Variants in LRRC17 observed in about 807,000 individuals in gnomAD.
The protein encoded by LRRC17 is leucine-rich repeat-containing protein 17.
Under a neutral mutation model 41.5 loss-of-function variants are expected in LRRC17, and 33 were observed. That is an observed-to-expected ratio of 0.80 (90% CI 0.60 to 1.06). The LOEUF (loss-of-function observed/expected upper bound fraction) is 1.06. LRRC17 is among the 50% of genes least tolerant of loss of function. LRRC17 has a pLI of 0.00. For synonymous variants in LRRC17, 192 were observed against 197.0 expected (o/e 0.97, Z 0.21); for missense variants, 491 against 519.3 (o/e 0.95, Z 0.53).
At position 102,934,523 on chromosome 7, in the gene LRRC17, C is replaced by G. The variant is rs149650054; in HGVS notation, c.610C>G (p.Arg204Gly). ...ACAAGAACAAAAAAATAAAAAACTG[C>G]GGCAGATAAAATCTGAACAGTTGTG... ...SPQEQKNKKL[R>G]QIKSEQLCNE... Residue 204 changes from arginine (R) to glycine (G), a missense_variant, in exon 2 of 4, where the codon CGG becomes GGG. Physicochemically the swap from Arg to Gly is moderately radical, Grantham distance 125 (BLOSUM62 -2). Coordinates refer to ENST00000339431, the MANE Select transcript of LRRC17 (RefSeq NM_001031692.3). The G allele has an allele frequency of 6.2e-7, 1 of 1,607,944 alleles. No individual in the cohort carries two copies. The highest frequency in any genetic ancestry group is 8.5e-7 in the Non-Finnish European group (1 of 1,178,326).
rs1374192949 is a variant in LRRC17 at position 102,924,680 on chromosome 7, C to T, written c.-140-9094C>T. ...TTTTTGAGATGGGGTCTCGCTCTGT[C>T]GCCCAGGCTGGAGTGCAGTGGCGCA... On this transcript the variant is annotated intron_variant, in intron 1 of 3. Transcript: ENST00000339431. Among the ~76,000 whole-genome samples, 28 of 131,818 alleles carry T rather than the reference C, an allele frequency of 2.1e-4. 1 individual carries two copies. The Admixed American group carries it at 2.2e-3, about 10-fold the overall frequency. 86.5% of individuals were successfully genotyped at this position (131,818 alleles called of 152,430 possible).
chr7:102,938,435 C>A (rs1458661852), intron 2 of LRRC17, among the ~76,000 whole-genome samples: 1 of 152,148 alleles, frequency 6.6e-6, no homozygotes, highest in Admixed American at 6.5e-5. Context: ...TGCTGACAAC[C>A]AATATAGCCT....
intron 1 of LRRC17, chr7:102,913,363 GTTAA>G: frequency 6.8e-6 from 6 of 879,266 alleles, no homozygotes; most frequent in South Asian, 5.3e-5. Context: ...CTCTCTACCT[GTTAA>G]TTAAAGGAGA....
chr7:102,944,238 A>T lies in LRRC17; in HGVS notation c.957A>T (p.Glu319Asp), dbSNP rs1430531394. Residue 319 changes from glutamate (E) to aspartate (D), a missense_variant, in exon 4 of 4, where the codon GAA becomes GAT. Glu to Asp is a conservative substitution (Grantham distance 45). Transcript: ENST00000339431. ...CTTTTTTAGGGCTCACACATTTAGA[A>T]GAATTAGATTTATCAAACAACAGTC... is the stretch of plus-strand genomic sequence containing the variant. ...PAAFLGLTHL[E>D]ELDLSNNSLQ... 1 of 1,609,828 alleles carries T rather than the reference A, an allele frequency of 6.2e-7. No homozygotes were observed. The highest frequency in any genetic ancestry group is 1.7e-5 in the Admixed American group (1 of 59,058).
rs768188919 is a variant in LRRC17 at position 102,934,354 on chromosome 7, A to G, written c.441A>G (p.Glu147=). Residue 147 remains glutamate (E), a synonymous_variant, in exon 2 of 4, where the codon GAA becomes GAG. Transcript: ENST00000339431. ...ACCAGATCAAAGTCTTGACGGAGGA[A>G]GTGTTCATTTACACACCTCTCTTGA... ...QHNQIKVLTE[E]VFIYTPLLSY... is the part of the protein sequence containing the mutation. 41 of 1,614,154 alleles carry G rather than the reference A, an allele frequency of 2.5e-5. No homozygotes were observed. Among genetic ancestry groups the G allele is most frequent in the Non-Finnish European group, 3.3e-5 (39 of 1,180,008 alleles).
At chr7:102,917,593 T>C (rs1816157301) in intron 1 of LRRC17, among the ~76,000 whole-genome samples, 1 of 152,180 alleles carries the variant, frequency 6.6e-6, no homozygotes, top group African/African-American at 2.4e-5. Context: ...ATGTGAAGCA[T>C]GCAGCAATCA....
At chr7:102,926,961 C>T (rs966282278) in intron 1 of LRRC17, among the ~76,000 whole-genome samples, 5 of 152,104 alleles carry the variant, frequency 3.3e-5, no homozygotes, top group African/African-American at 1.2e-4. Context: ...AGGCTACATA[C>T]CAGTTGGGCA....
chr7:102,932,056 T>TTCC, intron 1 of LRRC17: 3 of 837,124 alleles, frequency 3.6e-6, no homozygotes, highest in African/African-American at 3.4e-5. Flanking sequence ...GCAAGTAACA[T>TTCC]GTTCTAAGTA....
rs1265266103 is a variant in LRRC17 at position 102,934,284 on chromosome 7, C to T, written c.371C>T (p.Ala124Val). 5.0e-6 allele frequency: 8 copies of T among 1,613,970 alleles called. No homozygotes were observed. The African/African-American group carries it at 5.3e-5, about 11-fold the overall frequency. Reference protein sequence around the residue: ...QNEISKIESEAFFGLNKLTTL... With the variant: ...QNEISKIESEVFFGLNKLTTL... The stretch of plus-strand genomic sequence containing the variant: ...GAGATCTCTAAAATTGAGAGTGAGG[C>T]GTTCTTTGGTTTAAACAAACTCACC... The change falls in exon 2 of 4, where the codon GCG (alanine) becomes GTG (valine). Residue 124 changes from alanine to valine, a missense_variant. By Grantham distance (64) the Ala-to-Val change is moderately conservative (BLOSUM62 0). Transcript: ENST00000339431.
At chr7:102,913,256 G>A (rs774992307) in intron 1 of LRRC17, 111 bp downstream of exon 1, 61 of 1,609,850 alleles carry the variant, frequency 3.8e-5, no homozygotes, top group South Asian at 3.1e-4. Flanking sequence ...TTATACTTCC[G>A]TTGTTCTCTC....
chr7:102,935,411 C>G (rs924970928), intron 2 of LRRC17, among the ~76,000 whole-genome samples: 1 of 151,802 alleles, frequency 6.6e-6, no homozygotes, highest in Non-Finnish European at 1.5e-5. Flanking sequence ...TCTTAACATC[C>G]TATATCTTAA....
At chr7:102,925,694 C>T (rs928935755) in intron 1 of LRRC17, among the ~76,000 whole-genome samples, 2 of 152,062 alleles carry the variant, frequency 1.3e-5, no homozygotes, top group African/African-American at 4.8e-5. Flanking sequence ...GTAATTCCAG[C>T]GCTTTGGGAG....
chr7:102,926,113 C>G (rs1034808059), intron 1 of LRRC17, among the ~76,000 whole-genome samples: 12 of 152,148 alleles, frequency 7.9e-5, no homozygotes, highest in African/African-American at 2.9e-4. Context: ...GTTCAGGCAC[C>G]AGCTTAGGGA....
intron 1 of LRRC17, among the ~76,000 whole-genome samples, chr7:102,920,559 C>T (rs895040947): frequency 6.6e-6 from 1 of 152,044 alleles, no homozygotes; most frequent in Non-Finnish European, 1.5e-5. Flanking sequence ...CCATGTTGCC[C>T]AGGCTGGTCT....
At chr7:102,923,128 G>A (rs1817412007) in intron 1 of LRRC17, among the ~76,000 whole-genome samples, 1 of 152,172 alleles carries the variant, frequency 6.6e-6, no homozygotes, top group South Asian at 2.1e-4. Context: ...TGATGTGAAT[G>A]CCTTCTTTCC....
At position 102,945,001 on chromosome 7, in the gene LRRC17, TA is replaced by T. The variant is rs773650719; in HGVS notation, c.*395del. The stretch of plus-strand genomic sequence containing the variant: ...TACTTAAAGATGATCAAAATGATTT[TA>T]TACAAATGCTGTTATAATAAAATGT... On this transcript the variant is annotated 3_prime_UTR_variant, in exon 4 of 4. Transcript: ENST00000339431. The T allele has an allele frequency of 6.4e-6, 1 of 157,202 alleles. No individual in the cohort carries two copies. Among genetic ancestry groups the T allele is most frequent in the Non-Finnish European group, 1.4e-5 (1 of 71,688 alleles). 9.7% of individuals were successfully genotyped at this position (157,202 alleles called of 1,614,324 possible).
Position 102,944,526 on chromosome 7 carries a change from C to T in LRRC17, c.1245C>T (p.Asp415=). ...CATATCCTGAGTCATTTGACCAAGA[C>T]ACAGAAGATGATGAATGGGAAAAAA... is the stretch of plus-strand genomic sequence containing the variant. ...LPAYPESFDQ[D]TEDDEWEKKH... is the part of the protein sequence containing the mutation. The change falls in exon 4 of 4, where the codon GAC becomes GAT. Residue 415 remains aspartate, a synonymous_variant. Coordinates refer to ENST00000339431, the MANE Select transcript of LRRC17 (RefSeq NM_001031692.3). 1 of 1,613,776 alleles carries T rather than the reference C, an allele frequency of 6.2e-7. No homozygotes were observed. The highest frequency in any genetic ancestry group is 8.5e-7 in the Non-Finnish European group (1 of 1,179,890).
At chr7:102,933,659 G>A (rs1310210903) in intron 1 of LRRC17, 115 bp from the exon 2 acceptor site, 7 of 261,642 alleles carry the variant, frequency 2.7e-5, no homozygotes, top group East Asian at 7.6e-5. Context: ...AGCTTTCTAC[G>A]TCACTGTTCT....
chr7:102,932,631 G>A (rs1819439974), intron 1 of LRRC17, among the ~76,000 whole-genome samples: 1 of 21,546 alleles, frequency 4.6e-5, no homozygotes, highest in Admixed American at 4.6e-4. Context: ...ATCTTGCTCT[G>A]TCAGCCACGC....
Sources: allele counts gnomAD v4.1 joint callset (sites outside exome capture counted in the v4.1 genomes callset), GRCh38; gene constraint gnomAD v4.1.1; transcripts MANE v1.5; gene names NCBI Gene and HGNC (gene_info 2026-07-23, HGNC 2026-07-21).